SIGLEC10: variants seen among roughly 807,000 people sequenced by gnomAD.
SIGLEC10 encodes sialic acid-binding Ig-like lectin 10.
Under a neutral mutation model 68.3 loss-of-function variants are expected in SIGLEC10, and 45 were observed. The ratio of observed to expected loss-of-function variants is 0.66; its 90% CI spans 0.52 to 0.84. The LOEUF (loss-of-function observed/expected upper bound fraction) is 0.84, where lower values mean the gene tolerates loss of function less well. SIGLEC10 is among the 40% of genes least tolerant of loss of function. SIGLEC10 has a pLI of 0.00. For synonymous variants in SIGLEC10, 379 were observed against 370.8 expected, an observed-to-expected ratio of 1.02 and a Z score of -0.26; for missense variants, 789 against 883.1, an observed-to-expected ratio of 0.89 and a Z score of 1.35.
rs571294213 is a variant in SIGLEC10, at chr19:51,415,183, T to G, written c.1328A>C (p.His443Pro). 4 of 1,603,432 alleles carry G rather than the reference T, an allele frequency of 2.5e-6. No individual in the cohort carries two copies. The African/African-American group carries it at 4.0e-5, about 16-fold the overall frequency. ...SQHVSLSLSV[H>P]YSPKLLGPSC... ...GGTGTCCCCTTTCCCCCACTCACAG[T>G]GCACGGAGAGGCTGAGAGAGACGTG... Residue 443 changes from histidine (H) to proline (P), a missense_variant and splice_region_variant, in exon 7 of 11, where the codon CAC (histidine) becomes CCC (proline). By Grantham distance (77) the His-to-Pro change is moderately conservative. Coordinates refer to ENST00000339313, the MANE Select transcript of SIGLEC10 (RefSeq NM_033130.5).
chr19:51,415,044 G>A lies in SIGLEC10; in HGVS notation c.1395C>T (p.Ser465=). 2.5e-6 allele frequency: 4 copies of A among 1,604,130 alleles called. No homozygotes were observed. Among genetic ancestry groups the A allele is most frequent in the Non-Finnish European group, 3.4e-6 (4 of 1,176,470 alleles). The change falls in exon 8 of 11, where the codon TCC becomes TCT. Residue 465 remains serine, a synonymous_variant. Coordinates refer to ENST00000339313, the MANE Select transcript of SIGLEC10 (RefSeq NM_033130.5). The stretch of plus-strand genomic sequence containing the variant: ...GAGAGGGGGCCGGGCTGGCCTGGGA[G>A]GAGCAGCTGCAGTGCAGACCCTCAG... ...WEAEGLHCSC[S]SQASPAPSLR... is the part of the protein sequence containing the mutation.
chr19:51,415,487 C>A, intron 6 of SIGLEC10, 49 bp from the exon 7 acceptor site: 1 of 1,613,516 alleles, frequency 6.2e-7, no homozygotes, highest in Non-Finnish European at 8.5e-7. Flanking sequence ...GCTCAGGGAC[C>A]CTCCTGCGTG....
rs769982252 is a variant in SIGLEC10, at chr19:51,414,951, G to T, written c.1488C>A (p.Pro496=). 5 of 1,613,956 alleles carry T rather than the reference G, an allele frequency of 3.1e-6. No homozygotes were observed. In the South Asian group the frequency reaches 5.5e-5, roughly 18 times the overall value. The change falls in exon 8 of 11, where the codon CCC becomes CCA. Residue 496 remains proline (P), a synonymous_variant. Coordinates refer to ENST00000339313, the MANE Select transcript of SIGLEC10 (RefSeq NM_033130.5). The surrounding 1 kb of genome is among the most constrained non-coding windows in gnomAD (Gnocchi z 4.1). The stretch of plus-strand genomic sequence containing the variant: ...TGTTGGCCCAGGGCCCGGCTGAGCT[G>T]GGGGTGACCTCGAAGGAGTCCTGGC... ...NSSQDSFEVT[P]SSAGPWANSS... is the part of the protein sequence containing the mutation.
In SIGLEC10 at chr19:51,410,522, T is replaced by A. The variant is rs1035734221; in HGVS notation, c.*577A>T. 5.9e-5 allele frequency: 9 copies of A among 152,892 alleles called. No homozygotes were observed. The highest frequency in any genetic ancestry group is 2.2e-4 in the African/African-American group (9 of 41,412). The allele number at this position is 152,892 out of a possible 1,614,324, so 9.5% of individuals were successfully genotyped here. A position where few individuals can be genotyped will look rare whatever the true frequency, so the allele number is the denominator to read the frequency against. On this transcript the variant is annotated 3_prime_UTR_variant, in exon 11 of 11. Coordinates refer to ENST00000339313, the MANE Select transcript of SIGLEC10 (RefSeq NM_033130.5). ...ACAGGCACACACCACCAAGCCCAGCTATGTTTTGTATTTTTTGTAGAGATG... is the reference window on the plus strand; with the variant it reads ...ACAGGCACACACCACCAAGCCCAGCAATGTTTTGTATTTTTTGTAGAGATG...
Position 51,414,320 on chromosome 19 carries a change from AG to A in SIGLEC10, c.1709+101del, listed in dbSNP as rs1988311302. On this transcript the variant is annotated intron_variant, in intron 9 of 10. Transcript: ENST00000339313. This position sits in a 1 kb window ranked among gnomAD's most constrained non-coding sequence, Gnocchi z 4.1. Reference sequence around the variant, plus strand: ...TGCTGTTTACTCATGTAACCTCCAGAGGTATACTGCGTTGATCACGACCTTC... The same window carrying A: ...TGCTGTTTACTCATGTAACCTCCAGAGTATACTGCGTTGATCACGACCTTC... 1 of 908,364 alleles carries A rather than the reference AG, an allele frequency of 1.1e-6. No individual in the cohort carries two copies. Among genetic ancestry groups the A allele is most frequent in the African/African-American group, 1.7e-5 (1 of 60,144 alleles). The allele number at this position is 908,364 out of a possible 1,614,324, so 56.3% of individuals were successfully genotyped here.
chr19:51,411,452 G>A, intron 10 of SIGLEC10, 81 bp from the exon 11 acceptor site: 1 of 1,542,796 alleles, frequency 6.5e-7, no homozygotes, highest in Non-Finnish European at 8.8e-7. Flanking sequence ...CTGATTTACA[G>A]CACAGAGTGA....
Position 51,416,885 on chromosome 19 carries a change from T to A in SIGLEC10, c.487A>T (p.Ile163Phe). 1 of 1,614,012 alleles carries A rather than the reference T, an allele frequency of 6.2e-7. No homozygotes were observed. The highest frequency in any genetic ancestry group is 1.1e-5 in the South Asian group (1 of 91,068). ...TLEPGQPVTV[I>F]CVFNWAFEEC... Reference sequence around the variant, plus strand: ...TCAAAGGCCCAGTTAAACACACAGATGACCGTCACCGGCTGCCCGGGCTCC... The same window carrying A: ...TCAAAGGCCCAGTTAAACACACAGAAGACCGTCACCGGCTGCCCGGGCTCC... The change falls in exon 3 of 11, where the codon ATC becomes TTC. Residue 163 changes from isoleucine (I) to phenylalanine (F), a missense_variant. Ile to Phe is a conservative substitution (Grantham distance 21). Transcript: ENST00000339313.
rs1353002741 is a variant in SIGLEC10, at chr19:51,410,888, A to T, written c.*211T>A. ...GGTCTCGAACTCCCGACCTCAGGCG[A>T]TCTGCCCACCTCAACCTCCCAAAGT... On this transcript the variant is annotated 3_prime_UTR_variant, in exon 11 of 11. Transcript: ENST00000339313. 1 of 521,782 alleles carries T rather than the reference A, an allele frequency of 1.9e-6. No individual in the cohort carries two copies. The highest frequency in any genetic ancestry group is 3.3e-6 in the Non-Finnish European group (1 of 304,106). The allele number at this position is 521,782 out of a possible 1,614,324, so 32.3% of individuals were successfully genotyped here.
At position 51,414,549 on chromosome 19, in the gene SIGLEC10, A is replaced by T; in HGVS notation, c.1616-34T>A. Reference sequence around the variant, plus strand: ...GGAGAGGGCAAGGTGAGCATTTCCCATCCACGCAGGGCTCACGAAGCCCGC... The same window carrying T: ...GGAGAGGGCAAGGTGAGCATTTCCCTTCCACGCAGGGCTCACGAAGCCCGC... On this transcript the variant is annotated intron_variant, in intron 8 of 10. Coordinates refer to ENST00000339313, the MANE Select transcript of SIGLEC10 (RefSeq NM_033130.5). The surrounding 1 kb of genome is among the most constrained non-coding windows in gnomAD (Gnocchi z 4.1). 1 of 1,597,722 alleles carries T rather than the reference A, an allele frequency of 6.3e-7. No homozygotes were observed. The highest frequency in any genetic ancestry group is 8.6e-7 in the Non-Finnish European group (1 of 1,166,718).
At chr19:51,413,937 G>C in intron 9 of SIGLEC10, 114 bp from the exon 10 acceptor site, 1 of 748,734 alleles carries the variant, frequency 1.3e-6, no homozygotes, top group Non-Finnish European at 2.3e-6. Flanking sequence ...ACTTGAGACC[G>C]TCATTATGAG....
At position 51,414,228 on chromosome 19, in the gene SIGLEC10, AGCATTCCCTCTGGGAAGCAGAC is replaced by A; in HGVS notation, c.1709+172_1709+193del. On this transcript the variant is annotated intron_variant, in intron 9 of 10. Coordinates refer to ENST00000339313, the MANE Select transcript of SIGLEC10 (RefSeq NM_033130.5). This position sits in a 1 kb window ranked among gnomAD's most constrained non-coding sequence, Gnocchi z 4.1. ...CTTCGCTTGGGGCGTGACTGCCCTC[AGCATTCCCTCTGGGAAGCAGAC>A]GCAGTTTGTCAGTTGGACAACATTC... 1.7e-6 allele frequency: 1 copy of A among 604,678 alleles called. No homozygotes were observed. Among genetic ancestry groups the A allele is most frequent in the South Asian group, 2.0e-5 (1 of 50,690 alleles). The allele number at this position is 604,678 out of a possible 1,614,324, so 37.5% of individuals were successfully genotyped here.
At position 51,416,702 on chromosome 19, in the gene SIGLEC10, C is replaced by T. The variant is rs761815082; in HGVS notation, c.670G>A (p.Val224Met). The T allele has an allele frequency of 3.2e-5, 51 of 1,614,080 alleles. No homozygotes were observed. Among genetic ancestry groups the T allele is most frequent in the Non-Finnish European group, 4.2e-5 (49 of 1,180,054 alleles). ...TCHVDFSRKG[V>M]SAQRTVRLRV... ...AGTCGGACGGTCCTCTGTGCGCTCA[C>T]ACCCTTTCTGGAGAAGTCCACATGG... Residue 224 changes from valine (V) to methionine (M), a missense_variant, in exon 3 of 11, where the codon GTG becomes ATG. Physicochemically the swap from Val to Met is conservative, Grantham distance 21. Transcript: ENST00000339313.
At chr19:51,412,810 C>T (rs1029254664) in intron 10 of SIGLEC10, among the ~76,000 whole-genome samples, 1 of 151,620 alleles carries the variant, frequency 6.6e-6, no homozygotes, top group African/African-American at 2.4e-5. Flanking sequence ...ACTCTGTCAC[C>T]CAGGCTGGAG....
Position 51,415,564 on chromosome 19 carries a change from C to A in SIGLEC10, c.1072+4G>T. The A allele has an allele frequency of 6.2e-7, 1 of 1,614,038 alleles. No homozygotes were observed. The highest frequency in any genetic ancestry group is 1.1e-5 in the South Asian group (1 of 91,080). ...GGCCTTGGCTCCTCTGTCCCCTTTCCTACCTGTCCTGTTTGCTTGGGAAAC... is the reference window on the plus strand; with the variant it reads ...GGCCTTGGCTCCTCTGTCCCCTTTCATACCTGTCCTGTTTGCTTGGGAAAC... On this transcript the variant is annotated splice_donor_region_variant and intron_variant, in intron 6 of 10. Coordinates refer to ENST00000339313, the MANE Select transcript of SIGLEC10 (RefSeq NM_033130.5).
chr19:51,415,269 C>T lies in SIGLEC10; in HGVS notation c.1242G>A (p.Arg414=), dbSNP rs1393014903. 6.2e-7 allele frequency: 1 copy of T among 1,614,112 alleles called. No homozygotes were observed. Among genetic ancestry groups the T allele is most frequent in the Non-Finnish European group, 8.5e-7 (1 of 1,179,998 alleles). Residue 414 remains arginine (R), a synonymous_variant, in exon 7 of 11, where the codon CGG becomes CGA. Transcript: ENST00000339313. ...ACTCTCCTTCGTGCTCCACTTGAAC[C>T]CGAGGCAGCTCCAGGACCCCGGGGT... ...PSDPGVLELP[R]VQVEHEGEFT...
At position 51,417,327 on chromosome 19, in the gene SIGLEC10, T is replaced by A. The variant is rs747560623; in HGVS notation, c.176A>T (p.Tyr59Phe). The change falls in exon 2 of 11, where the codon TAC becomes TTC. Residue 59 changes from tyrosine (Y) to phenylalanine (F), a missense_variant. Tyr to Phe is a conservative substitution (Grantham distance 22). Coordinates refer to ENST00000339313, the MANE Select transcript of SIGLEC10 (RefSeq NM_033130.5). ...TGTCTCAGTCACTGCTTTGAACCAG[T>A]AGCCATAAGCTGGGGTAGACCCTGT... is the stretch of plus-strand genomic sequence containing the variant. ...DWTGSTPAYG[Y>F]WFKAVTETTK... 9.3e-6 allele frequency: 15 copies of A among 1,614,090 alleles called. No individual in the cohort carries two copies. Among genetic ancestry groups the A allele is most frequent in the African/African-American group, 1.3e-5 (1 of 74,910 alleles).
chr19:51,411,003 A>AGT lies in SIGLEC10; in HGVS notation c.*95_*96insAC. 7.3e-7 allele frequency: 1 copy of AGT among 1,363,974 alleles called. No individual in the cohort carries two copies. Among genetic ancestry groups the AGT allele is most frequent in the South Asian group, 1.4e-5 (1 of 71,190 alleles). The allele number at this position is 1,363,974 out of a possible 1,614,324, so 84.5% of individuals were successfully genotyped here. On this transcript the variant is annotated 3_prime_UTR_variant, in exon 11 of 11. Transcript: ENST00000339313. ...GAGAGAGAGAGAGAAAGAGAGAGAG[A>AGT]GAGGGAGAGAAGGAAACTTTGCACT... is the stretch of plus-strand genomic sequence containing the variant.
At position 51,414,349 on chromosome 19, in the gene SIGLEC10, T is replaced by G. The variant is rs1988319023; in HGVS notation, c.1709+73A>C. ...ATACTGCGTTGATCACGACCTTCAC[T>G]CTTTCGGCCTGCAACACCTCCCCTC... On this transcript the variant is annotated intron_variant, in intron 9 of 10. Transcript: ENST00000339313. This position sits in a 1 kb window ranked among gnomAD's most constrained non-coding sequence, Gnocchi z 4.1. 1 of 1,290,290 alleles carries G rather than the reference T, an allele frequency of 7.8e-7. No homozygotes were observed. The highest frequency in any genetic ancestry group is 1.5e-5 in the African/African-American group (1 of 68,368). The allele number at this position is 1,290,290 out of a possible 1,614,324, so 79.9% of individuals were successfully genotyped here.
In SIGLEC10 at chr19:51,414,990, C is replaced by G; in HGVS notation, c.1449G>C (p.Leu483=). The G allele has an allele frequency of 6.2e-7, 1 of 1,612,834 alleles. No individual in the cohort carries two copies. The change falls in exon 8 of 11, where the codon CTG becomes CTC. Residue 483 remains leucine (L), a synonymous_variant. Transcript: ENST00000339313. The surrounding 1 kb of genome is among the most constrained non-coding windows in gnomAD (Gnocchi z 4.1). ...SLRWWLGEEL[L]EGNSSQDSFE... ...AGGAGTCCTGGCTGCTGTTCCCCTC[C>G]AGCAGCTCCTCCCCAAGCCACCAGC...
Sources: allele counts gnomAD v4.1 joint callset (sites outside exome capture counted in the v4.1 genomes callset), GRCh38; gene constraint gnomAD v4.1.1; non-coding constraint Gnocchi (gnomAD v3.1); transcripts MANE v1.5; gene names NCBI Gene and HGNC (gene_info 2026-07-23, HGNC 2026-07-21).